PPIL4: variants seen among roughly 807,000 people sequenced by gnomAD.
PPIL4 encodes the protein peptidylprolyl isomerase like 4.
A neutral mutation model predicts 69.1 loss-of-function variants in PPIL4; 50 were observed. The observed-to-expected ratio is 0.72, with a 90% CI of 0.58 to 0.92. The LOEUF (loss-of-function observed/expected upper bound fraction) is 0.92. PPIL4 is among the 40% of genes least tolerant of loss of function. The pLI is 0.00. For missense variants in PPIL4, 480 were observed against 587.9 expected, an observed-to-expected ratio of 0.82 and a Z score of 1.90; for synonymous variants, 193 against 191.6, an observed-to-expected ratio of 1.01 and a Z score of -0.06.
At chr6:149,532,426 T>C (rs2115037008) in intron 7 of PPIL4, among the ~76,000 whole-genome samples, 1 of 152,354 alleles carries the variant, frequency 6.6e-6, no homozygotes. Flanking sequence ...GTTCAACATA[T>C]CTTTCAAGTG....
chr6:149,508,446 A>G (rs903711416), intron 12 of PPIL4, among the ~76,000 whole-genome samples: 6 of 152,202 alleles, frequency 3.9e-5, no homozygotes, highest in Non-Finnish European at 7.3e-5. Context: ...GAAAAAACGA[A>G]GAACACAAAA....
intron 4 of PPIL4, among the ~76,000 whole-genome samples, chr6:149,540,507 C>A (rs1396918268): frequency 6.6e-6 from 1 of 152,060 alleles, no homozygotes; most frequent in African/African-American, 2.4e-5. Context: ...CCCAGCTATT[C>A]GGAAGGCCGA....
chr6:149,520,441 A>G (rs1050047678), intron 10 of PPIL4, among the ~76,000 whole-genome samples: 4 of 152,228 alleles, frequency 2.6e-5, no homozygotes, highest in Non-Finnish European at 4.4e-5. Flanking sequence ...TCAAAACACC[A>G]TAAAGTCAAA....
rs1378251566 is a variant in PPIL4, at chr6:149,521,277, A to T, written c.871-106T>A. On this transcript the variant is annotated intron_variant, in intron 9 of 12. Coordinates refer to ENST00000253329, the MANE Select transcript of PPIL4 (RefSeq NM_139126.4). ...TTGTTGTTACAAAAATTAATGTTTG[A>T]ATACTTATTACACACCCGATGCTGT... 4.2e-6 allele frequency: 3 copies of T among 709,974 alleles called. No individual in the cohort carries two copies. In the African/African-American group the frequency reaches 5.4e-5, roughly 13 times the overall value. The allele number at this position is 709,974 out of a possible 1,614,324, so 44.0% of individuals were successfully genotyped here.
chr6:149,534,767 GATTT>G lies in PPIL4; in HGVS notation c.468_471del (p.Asn157IlefsTer3). On this transcript the variant is annotated frameshift_variant, in exon 6 of 13. Transcript: ENST00000253329. LOFTEE classifies it high-confidence loss of function. ...AATGGATCATCTAAAATCACCGTAT[GATTT>G]ATCCTTACAAAATAAATCCAAATCA... 6.5e-7 allele frequency: 1 copy of G among 1,527,666 alleles called. No homozygotes were observed. Among genetic ancestry groups the G allele is most frequent in the Non-Finnish European group, 9.0e-7 (1 of 1,115,056 alleles). 94.6% of individuals were successfully genotyped at this position (1,527,666 alleles called of 1,614,324 possible).
intron 7 of PPIL4, among the ~76,000 whole-genome samples, chr6:149,528,244 G>A (rs1777139813): frequency 6.6e-6 from 1 of 151,976 alleles, no homozygotes; most frequent in Admixed American, 6.6e-5. Context: ...GTAAGACCCT[G>A]CCTCTAAAAA....
chr6:149,535,421 A>G (rs1455355132), intron 5 of PPIL4, among the ~76,000 whole-genome samples, 175 bp downstream of exon 5: 8 of 152,256 alleles, frequency 5.3e-5, no homozygotes, highest in Admixed American at 4.6e-4. Context: ...GTATAAAAAT[A>G]CAAAAAGTCC....
intron 11 of PPIL4, among the ~76,000 whole-genome samples, chr6:149,513,150 C>T (rs1156767582): frequency 6.8e-6 from 1 of 148,066 alleles, no homozygotes; most frequent in Non-Finnish European, 1.5e-5. Flanking sequence ...CTTTGGGAAG[C>T]CAAGGCGGGC....
At position 149,505,539 on chromosome 6, in the gene PPIL4, G is replaced by C; in HGVS notation, c.1393C>G (p.Leu465Val). The change falls in exon 13 of 13, where the codon CTT becomes GTT. Residue 465 changes from leucine to valine, a missense_variant. Transcript: ENST00000253329. ...NSHKSKYQTDLYERERSKKRD... is the reference protein window; with the variant it reads ...NSHKSKYQTDVYERERSKKRD... Reference sequence around the variant, plus strand: ...TTTTTACTCCTTTCTCTTTCATAAAGATCTGTTTGGTATTTTGATTTATGA... The same window carrying C: ...TTTTTACTCCTTTCTCTTTCATAAACATCTGTTTGGTATTTTGATTTATGA... The C allele has an allele frequency of 1.2e-6, 2 of 1,613,724 alleles. No individual in the cohort carries two copies. Among genetic ancestry groups the C allele is most frequent in the Non-Finnish European group, 8.5e-7 (1 of 1,179,856 alleles).
chr6:149,534,208 C>A (rs1777240283), intron 6 of PPIL4, among the ~76,000 whole-genome samples: 1 of 152,134 alleles, frequency 6.6e-6, no homozygotes, highest in Admixed American at 6.6e-5. Flanking sequence ...ATTCTAACTG[C>A]TGAATGAAGA....
chr6:149,511,397 T>TTGTGTGTGTG (rs375170478), intron 12 of PPIL4, among the ~76,000 whole-genome samples: 24 of 147,618 alleles, frequency 1.6e-4, no homozygotes, highest in African/African-American at 5.2e-4. Context: ...GCCTGGCCAA[T>TTGTGTGTGTG]TGTGTGTGTG....
rs1006492990 is a variant in PPIL4 at position 149,546,013 on chromosome 6, G to A, written c.-8C>T. On this transcript the variant is annotated 5_prime_UTR_variant, in exon 1 of 13. Transcript: ENST00000253329. The stretch of plus-strand genomic sequence containing the variant: ...CTCCAGTAGAACCGCCATGGCGCCC[G>A]CTCCTCCTCCGCTACAAACCCCGGG... 2 of 1,571,048 alleles carry A rather than the reference G, an allele frequency of 1.3e-6. No individual in the cohort carries two copies. The highest frequency in any genetic ancestry group is 1.4e-5 in the African/African-American group (1 of 73,860).
chr6:149,519,843 G>A (rs961945345), intron 10 of PPIL4, among the ~76,000 whole-genome samples: 2 of 152,142 alleles, frequency 1.3e-5, no homozygotes, highest in Non-Finnish European at 2.9e-5. Flanking sequence ...AAGTAACCCT[G>A]AAATTCCCAG....
intron 2 of PPIL4, 21 bp from the exon 3 acceptor site, chr6:149,541,452 T>A: frequency 6.4e-7 from 1 of 1,567,970 alleles, no homozygotes; most frequent in Non-Finnish European, 8.8e-7. Context: ...TAGGATTCTT[T>A]GTTAATTCAC....
At chr6:149,536,812 C>T (rs188496844) in intron 4 of PPIL4, among the ~76,000 whole-genome samples, 1 of 151,366 alleles carries the variant, frequency 6.6e-6, no homozygotes, top group Non-Finnish European at 1.5e-5. Context: ...CAAGGTGAAG[C>T]AGCAAGTGCT....
Position 149,526,789 on chromosome 6 carries a change from C to T in PPIL4, c.679-13G>A. On this transcript the variant is annotated splice_polypyrimidine_tract_variant and intron_variant, in intron 7 of 12. Coordinates refer to ENST00000253329, the MANE Select transcript of PPIL4 (RefSeq NM_139126.4). ...GTAGGTCTCCCACCTAAATTACAAA[C>T]AAACAAAAACATAAATCAATTCCTA... 1 of 1,609,114 alleles carries T rather than the reference C, an allele frequency of 6.2e-7. No individual in the cohort carries two copies. Among genetic ancestry groups the T allele is most frequent in the Non-Finnish European group, 8.5e-7 (1 of 1,177,210 alleles).
At chr6:149,531,531 C>CAAAAAA (rs113611329) in intron 7 of PPIL4, among the ~76,000 whole-genome samples, 1 of 135,430 alleles carries the variant, frequency 7.4e-6, no homozygotes, top group African/African-American at 2.7e-5. Context: ...AACTCCGTCT[C>CAAAAAA]AAAAAAAAAA....
At chr6:149,520,241 A>G (rs1482816574) in intron 10 of PPIL4, among the ~76,000 whole-genome samples, 1 of 152,174 alleles carries the variant, frequency 6.6e-6, no homozygotes, top group East Asian at 1.9e-4. Context: ...ATATATGCAC[A>G]TATGTATTCA....
At chr6:149,535,489 A>T (rs1777262348) in intron 5 of PPIL4, 107 bp downstream of exon 5, 1 of 651,094 alleles carries the variant, frequency 1.5e-6, no homozygotes, top group Non-Finnish European at 2.4e-6. Context: ...GATTAGAATT[A>T]TCCAGAAACC....
Sources: allele counts gnomAD v4.1 joint callset (sites outside exome capture counted in the v4.1 genomes callset), GRCh38; gene constraint gnomAD v4.1.1; transcripts MANE v1.5; gene names NCBI Gene and HGNC (gene_info 2026-07-23, HGNC 2026-07-21).